The following PARD3B variants were observed in gnomAD, a reference collection of about 807,000 sequenced individuals.
The protein encoded by PARD3B is partitioning defective 3 homolog B.
Under a neutral mutation model 130.2 loss-of-function variants are expected in PARD3B, and 103 were observed. The observed-to-expected ratio is 0.79, with a 90% CI of 0.67 to 0.93. The LOEUF is 0.93. PARD3B is among the 40% of genes least tolerant of loss of function. The pLI is 0.00. For synonymous variants in PARD3B, 583 were observed against 553.2 expected, an observed-to-expected ratio of 1.05 and a Z score of -0.76; for missense variants, 1,609 against 1,499.2, an observed-to-expected ratio of 1.07 and a Z score of -1.21.
rs1246125161 is a variant in PARD3B at position 205,160,068 on chromosome 2, A to G, written c.1620+1161A>G. ...TTTGTTGAAGCAACTGTCGTCTCAC[A>G]CTTACCCTTCCACTTTTGTTTCAGA... is the stretch of plus-strand genomic sequence containing the variant. On this transcript the variant is annotated intron_variant, in intron 11 of 22. Transcript: ENST00000406610. This position sits in a 1 kb window ranked among gnomAD's most constrained non-coding sequence, Gnocchi z 4.0. 6.6e-6 allele frequency among the ~76,000 whole-genome samples: 1 copy of G among 152,204 alleles called. No individual in the cohort carries two copies. The highest frequency in any genetic ancestry group is 1.5e-5 in the Non-Finnish European group (1 of 68,028).
At chr2:204,697,541 A>C (rs569902083) in intron 2 of PARD3B, among the ~76,000 whole-genome samples, 5 of 152,156 alleles carry the variant, frequency 3.3e-5, no homozygotes, top group African/African-American at 4.8e-5. Flanking sequence ...TATAAGCAAG[A>C]GTGGGGCAGA....
In PARD3B at chr2:204,735,322, G is replaced by A. The variant is rs142503820; in HGVS notation, c.222+49040G>A. 3.6e-3 allele frequency among the ~76,000 whole-genome samples: 530 copies of A among 148,122 alleles called. 3 individuals carry two copies. Among genetic ancestry groups the A allele is most frequent in the African/African-American group, 0.012 (499 of 39,954 alleles). On this transcript the variant is annotated intron_variant, in intron 2 of 22. Transcript: ENST00000406610. ...CTAGCAGTGGACCACCTGATATCAC[G>A]TGTTTGTTAATGTGCACCCCCATGA...
intron 3 of PARD3B, among the ~76,000 whole-genome samples, chr2:205,038,232 A>G (rs1027830235): frequency 4.6e-5 from 7 of 152,222 alleles, no homozygotes; most frequent in African/African-American, 1.7e-4. Context: ...ACGCACACAT[A>G]ATCAAAATCC....
At position 204,852,528 on chromosome 2, in the gene PARD3B, T is replaced by G. The variant is rs148625493; in HGVS notation, c.223-112624T>G. Among the ~76,000 whole-genome samples, 19 of 152,174 alleles carry G rather than the reference T, an allele frequency of 1.2e-4. 1 individual carries two copies. In the East Asian group the frequency reaches 3.7e-3, roughly 30 times the overall value. ...TGTTATAAACATGAAGTAAAAAAATTTTGAATTGATATTTAAATACTGGAA... is the reference window on the plus strand; with the variant it reads ...TGTTATAAACATGAAGTAAAAAAATGTTGAATTGATATTTAAATACTGGAA... On this transcript the variant is annotated intron_variant, in intron 2 of 22. Coordinates refer to ENST00000406610, the MANE Select transcript of PARD3B (RefSeq NM_001302769.2).
intron 19 of PARD3B, among the ~76,000 whole-genome samples, chr2:205,428,021 G>A (rs946290150): frequency 6.6e-6 from 1 of 152,088 alleles, no homozygotes; most frequent in Non-Finnish European, 1.5e-5. Context: ...AATCATCAGC[G>A]TGATAGTATT....
At chr2:205,513,382 A>C (rs2050667417) in intron 21 of PARD3B, among the ~76,000 whole-genome samples, 2 of 152,038 alleles carry the variant, frequency 1.3e-5, no homozygotes, top group Admixed American at 1.3e-4. Flanking sequence ...CCCTAAATAC[A>C]TGATGATGCG....
intron 22 of PARD3B, among the ~76,000 whole-genome samples, chr2:205,567,155 T>C (rs2106536000): frequency 6.6e-6 from 1 of 152,042 alleles, no homozygotes; most frequent in East Asian, 1.9e-4. Context: ...GCTCAGGAAG[T>C]ATCAGTGTGT....
intron 3 of PARD3B, among the ~76,000 whole-genome samples, chr2:205,042,537 T>C (rs1012542700): frequency 3.3e-5 from 5 of 152,000 alleles, no homozygotes; most frequent in African/African-American, 1.2e-4. Flanking sequence ...AGCAGCTACA[T>C]ACCCAATCAG....
At chr2:204,731,084 A>G (rs1452874746) in intron 2 of PARD3B, among the ~76,000 whole-genome samples, 7 of 152,216 alleles carry the variant, frequency 4.6e-5, no homozygotes, top group Non-Finnish European at 8.8e-5. Flanking sequence ...GTGATGCTTT[A>G]TAATCCCTGA....
rs1279918557 is a variant in PARD3B at position 205,238,878 on chromosome 2, GTA to G, written c.2141-6898_2141-6897del. Reference sequence around the variant, plus strand: ...TATATATATATATATATATATATATGTATGTGTGTATATATATATATATATAT... The same window carrying G: ...TATATATATATATATATATATATATGTGTGTGTATATATATATATATATAT... On this transcript the variant is annotated intron_variant, in intron 15 of 22. Transcript: ENST00000406610. Among the ~76,000 whole-genome samples the G allele has an allele frequency of 1.1e-3, 66 of 58,134 alleles. 1 individual carries two copies. The highest frequency in any genetic ancestry group is 3.5e-3 in the African/African-American group (52 of 14,860). The allele number at this position is 58,134 out of a possible 152,430, so 38.1% of individuals were successfully genotyped here.
chr2:204,580,592 C>T (rs76519630), intron 1 of PARD3B, among the ~76,000 whole-genome samples: 2,911 of 152,230 alleles, frequency 0.019, 80 homozygotes, highest in African/African-American at 0.067. Flanking sequence ...TCCACCTGGG[C>T]GAGGGAGCAT....
At chr2:205,382,007 A>G (rs1034514690) in intron 18 of PARD3B, among the ~76,000 whole-genome samples, 3 of 152,110 alleles carry the variant, frequency 2.0e-5, no homozygotes, top group African/African-American at 2.4e-5. Flanking sequence ...TTTTTACCCA[A>G]TAATTACCCC....
At chr2:204,910,732 C>T (rs902192352) in intron 2 of PARD3B, among the ~76,000 whole-genome samples, 2 of 152,146 alleles carry the variant, frequency 1.3e-5, no homozygotes, top group Admixed American at 6.5e-5. Flanking sequence ...CTCCGCCTCT[C>T]CCGGGTTCAC....
At chr2:205,238,888 A>ATATATATATATATATATATGTATGTGTG in intron 15 of PARD3B, among the ~76,000 whole-genome samples, 1 of 69,476 alleles carries the variant, frequency 1.4e-5, no homozygotes, top group Admixed American at 1.3e-4. Context: ...GTATGTGTGT[A>ATATATATATATATATATATGTATGTGTG]TATATATATA....
At chr2:205,009,393 C>T (rs938006079) in intron 3 of PARD3B, among the ~76,000 whole-genome samples, 53 of 151,966 alleles carry the variant, frequency 3.5e-4, no homozygotes, top group Non-Finnish European at 5.3e-4. Context: ...ACACACCAGC[C>T]GGGCATGGTG....
At chr2:204,621,385 G>C (rs2034297736) in intron 1 of PARD3B, among the ~76,000 whole-genome samples, 1 of 152,012 alleles carries the variant, frequency 6.6e-6, no homozygotes. Flanking sequence ...AAAACCTCTT[G>C]AACGCTATGC....
At chr2:205,315,154 A>G (rs1559652237) in intron 18 of PARD3B, among the ~76,000 whole-genome samples, 3 of 152,142 alleles carry the variant, frequency 2.0e-5, no homozygotes, top group Non-Finnish European at 4.4e-5. Flanking sequence ...AATGCTTTCC[A>G]CACAAAAATG....
chr2:204,805,736 A>T lies in PARD3B; in HGVS notation c.222+119454A>T, dbSNP rs535510340. 2.6e-5 allele frequency among the ~76,000 whole-genome samples: 4 copies of T among 152,272 alleles called. No individual in the cohort carries two copies. The South Asian group carries it at 8.3e-4, about 32-fold the overall frequency. On this transcript the variant is annotated intron_variant, in intron 2 of 22. Coordinates refer to ENST00000406610, the MANE Select transcript of PARD3B (RefSeq NM_001302769.2). ...TGACCAAGTGGGATTTATACCAATG[A>T]TGCAAGGCAAGGGTGGTTCACCACA... is the stretch of plus-strand genomic sequence containing the variant.
chr2:204,689,696 A>G lies in PARD3B; in HGVS notation c.222+3414A>G, dbSNP rs903490061. 1.3e-5 allele frequency among the ~76,000 whole-genome samples: 2 copies of G among 152,152 alleles called. No homozygotes were observed. The highest frequency in any genetic ancestry group is 2.4e-5 in the African/African-American group (1 of 41,448). On this transcript the variant is annotated intron_variant, in intron 2 of 22. Transcript: ENST00000406610. The surrounding 1 kb of genome is among the most constrained non-coding windows in gnomAD (Gnocchi z 5.2). ...TAAAGCAATCCTGAAGACAAGAGCT[A>G]GTGTTATCCCTATTTTTAATTTCCA...
Sources: allele counts gnomAD v4.1 joint callset (sites outside exome capture counted in the v4.1 genomes callset), GRCh38; gene constraint gnomAD v4.1.1; non-coding constraint Gnocchi (gnomAD v3.1); transcripts MANE v1.5; gene names NCBI Gene and HGNC (gene_info 2026-07-23, HGNC 2026-07-21).